The following ALMS1 variants were observed in gnomAD, a reference collection of about 807,000 sequenced individuals.
ALMS1 encodes ALMS1 centrosome and basal body associated protein.
ALMS1 carries 271 observed loss-of-function variants against 352.2 expected under a neutral mutation model. That is an observed-to-expected ratio of 0.77 (90% CI 0.70 to 0.85). The LOEUF is 0.85. Among genes scored for constraint, ALMS1 ranks in the 40% least tolerant of loss-of-function variants. ALMS1 has a pLI of 0.00. For missense variants in ALMS1, 5,445 were observed against 4,870.7 expected, an observed-to-expected ratio of 1.12 and a Z score of -3.51; for synonymous variants, 1,865 against 1,761.2, an observed-to-expected ratio of 1.06 and a Z score of -1.48.
intron 9 of ALMS1, among the ~76,000 whole-genome samples, chr2:73,460,089 G>C (rs1202919090): frequency 1.3e-5 from 2 of 151,892 alleles, no homozygotes; most frequent in Admixed American, 6.6e-5. Context: ...CTGATAGTAA[G>C]AAACTTGGCT....
At chr2:73,521,464 C>T (rs1045589838) in intron 11 of ALMS1, among the ~76,000 whole-genome samples, 8 of 151,340 alleles carry the variant, frequency 5.3e-5, no homozygotes, top group African/African-American at 1.2e-4. Context: ...AAGCAGTGCG[C>T]GGTGGCTCAC....
intron 9 of ALMS1, among the ~76,000 whole-genome samples, chr2:73,461,815 C>A (rs1400410284): frequency 1.3e-5 from 2 of 152,086 alleles, no homozygotes; most frequent in African/African-American, 4.8e-5. Flanking sequence ...AATGCAGAAG[C>A]CTCAGGAGCT....
chr2:73,608,775 A>G (rs996184148), intron 22 of ALMS1, among the ~76,000 whole-genome samples: 1 of 152,206 alleles, frequency 6.6e-6, no homozygotes, highest in Non-Finnish European at 1.5e-5. Context: ...CCCCATCCAT[A>G]ATGGTGTAAG....
intron 16 of ALMS1, among the ~76,000 whole-genome samples, chr2:73,578,082 A>G (rs1675090682): frequency 2.0e-5 from 3 of 152,122 alleles, no homozygotes; most frequent in Admixed American, 6.5e-5. Flanking sequence ...GTGTATGTTC[A>G]TAATTGTTAT....
At chr2:73,498,674 CT>C (rs776796504) in intron 10 of ALMS1, among the ~76,000 whole-genome samples, 1 of 152,180 alleles carries the variant, frequency 6.6e-6, no homozygotes. Flanking sequence ...CAGTGTTTGT[CT>C]TTTTATGCCT....
intron 11 of ALMS1, among the ~76,000 whole-genome samples, chr2:73,524,662 A>G (rs999489531): frequency 3.3e-5 from 5 of 152,136 alleles, no homozygotes; most frequent in African/African-American, 1.2e-4. Context: ...CATGTTGGCC[A>G]GGCTGGTCTC....
At chr2:73,388,743 A>C (rs1439405971) in intron 1 of ALMS1, among the ~76,000 whole-genome samples, 1 of 152,152 alleles carries the variant, frequency 6.6e-6, no homozygotes, top group African/African-American at 2.4e-5. Flanking sequence ...ACTTAGGTTG[A>C]TTTCATGACT....
At chr2:73,432,166 C>A in intron 6 of ALMS1, 32 bp from the exon 7 acceptor site, 1 of 1,544,618 alleles carries the variant, frequency 6.5e-7, no homozygotes, top group South Asian at 1.1e-5. Flanking sequence ...GAGTCTTTTT[C>A]ATTTTTATTG....
chr2:73,462,124 G>A (rs1306740832), intron 9 of ALMS1, among the ~76,000 whole-genome samples: 3 of 151,870 alleles, frequency 2.0e-5, no homozygotes, highest in South Asian at 2.1e-4. Flanking sequence ...GATACTCCTC[G>A]AGAAGAGCAA....
intron 10 of ALMS1, among the ~76,000 whole-genome samples, chr2:73,496,051 G>A (rs891995477): frequency 2.6e-5 from 4 of 152,172 alleles, no homozygotes; most frequent in East Asian, 1.9e-4. Context: ...GTATGAGTAC[G>A]TGATTCATTT....
In ALMS1 at chr2:73,458,026, T is replaced by G. The variant is rs1672107676; in HGVS notation, c.7674+2731T>G. On this transcript the variant is annotated intron_variant, in intron 9 of 22. Transcript: ENST00000613296. ...TCCAGCCTAGGCGACAGAGGGAGAC[T>G]TTGTCTCAAAAAAAAAAAAAAAAAA... 4 of 39,948 alleles carry G rather than the reference T, an allele frequency of 1.0e-4. No homozygotes were observed. The South Asian group carries it at 3.1e-3, about 31-fold the overall frequency. 2.5% of individuals were successfully genotyped at this position (39,948 alleles called of 1,614,324 possible). A position where few individuals can be genotyped will look rare whatever the true frequency, so the allele number is the denominator to read the frequency against.
chr2:73,600,650 C>G (rs774867014), intron 17 of ALMS1, 28 bp from the exon 18 acceptor site: 3 of 1,595,530 alleles, frequency 1.9e-6, no homozygotes, highest in Admixed American at 1.7e-5. Context: ...AGGTTACTCC[C>G]AGAGACACCT....
Position 73,491,189 on chromosome 2 carries a change from C to G in ALMS1, c.9230C>G (p.Ala3077Gly). The G allele has an allele frequency of 1.9e-6, 3 of 1,614,092 alleles. No homozygotes were observed. The highest frequency in any genetic ancestry group is 2.5e-6 in the Non-Finnish European group (3 of 1,180,014). Reference protein sequence around the residue: ...RFHSLDAASKARMNSEFNFDL... With the variant: ...RFHSLDAASKGRMNSEFNFDL... ...CATTCATTGGATGCTGCTTCTAAAGCGAGGATGAATAGTGAGTTTAACTTT... is the reference window on the plus strand; with the variant it reads ...CATTCATTGGATGCTGCTTCTAAAGGGAGGATGAATAGTGAGTTTAACTTT... Residue 3077 changes from alanine (A) to glycine (G), a missense_variant, in exon 10 of 23, where the codon GCG becomes GGG. Transcript: ENST00000613296.
intron 1 of ALMS1, among the ~76,000 whole-genome samples, chr2:73,391,294 C>T (rs376168465): frequency 3.4e-4 from 39 of 114,906 alleles, no homozygotes; most frequent in African/African-American, 7.4e-4. Context: ...ACGTTTTATT[C>T]TTTTTTTTTT....
chr2:73,547,496 G>T (rs1336309957), intron 12 of ALMS1, among the ~76,000 whole-genome samples: 2 of 152,050 alleles, frequency 1.3e-5, no homozygotes, highest in Non-Finnish European at 2.9e-5. Flanking sequence ...GGATTGTATG[G>T]CATTTAGTAC....
chr2:73,504,566 A>G (rs1673282093), intron 10 of ALMS1, among the ~76,000 whole-genome samples: 2 of 152,216 alleles, frequency 1.3e-5, no homozygotes, highest in African/African-American at 2.4e-5. Flanking sequence ...CTTCTTACTC[A>G]GCATACTCAC....
intron 10 of ALMS1, among the ~76,000 whole-genome samples, chr2:73,516,443 G>C (rs1673556643): frequency 6.6e-6 from 1 of 151,874 alleles, no homozygotes; most frequent in South Asian, 2.1e-4. Context: ...CCCATTACTG[G>C]GTATATACCC....
rs72909321 is a variant in ALMS1, at chr2:73,421,976, G to T, written c.647-881G>T. On this transcript the variant is annotated intron_variant, in intron 3 of 22. Coordinates refer to ENST00000613296, the MANE Select transcript of ALMS1 (RefSeq NM_001378454.1). ...GAATTTTTTTTTCATTAAAGCAGCA[G>T]TTCAAACTTTTTGGGTAACAGGATT... is the stretch of plus-strand genomic sequence containing the variant. Among the ~76,000 whole-genome samples, 636 of 152,090 alleles carry T rather than the reference G, an allele frequency of 4.2e-3. 6 individuals are homozygous for T. Among genetic ancestry groups the T allele is most frequent in the African/African-American group, 0.013 (533 of 41,508 alleles).
chr2:73,489,795 G>A lies in ALMS1; in HGVS notation c.7836G>A (p.Met2612Ile), dbSNP rs1222309951. ...CAFRSAGPSE[M>I]TRGRQNPSSC... ...TCAGATCTGCTGGACCCTCAGAAAT[G>A]ACCAGAGGACGGCAGAACCCATCAT... is the stretch of plus-strand genomic sequence containing the variant. The change falls in exon 10 of 23, where the codon ATG becomes ATA. Residue 2612 changes from methionine (M) to isoleucine (I), a missense_variant. Physicochemically the swap from Met to Ile is conservative, Grantham distance 10. Transcript: ENST00000613296. 5 of 1,614,088 alleles carry A rather than the reference G, an allele frequency of 3.1e-6. No homozygotes were observed. The highest frequency in any genetic ancestry group is 2.2e-5 in the East Asian group (1 of 44,876).
Sources: allele counts gnomAD v4.1 joint callset (sites outside exome capture counted in the v4.1 genomes callset), GRCh38; gene constraint gnomAD v4.1.1; transcripts MANE v1.5; gene names NCBI Gene and HGNC (gene_info 2026-07-23, HGNC 2026-07-21).